Variants in DIAPH2 observed in about 807,000 individuals in gnomAD.
DIAPH2 encodes diaphanous related formin 2.
A neutral mutation model predicts 92.7 loss-of-function variants in DIAPH2; 35 were observed. The observed-to-expected ratio is 0.38, with a 90% CI of 0.29 to 0.50. The LOEUF (loss-of-function observed/expected upper bound fraction) is 0.50. Ranked by LOEUF, DIAPH2 falls within the 20% of genes least tolerant of loss-of-function variation. DIAPH2 has a pLI of 0.94. For synonymous variants in DIAPH2, 301 were observed against 280.4 expected (o/e 1.07, Z -0.73); for missense variants, 701 against 819.5 (o/e 0.86, Z 1.77).
chrX:96,712,198 C>T (rs982366240), intron 1 of DIAPH2, among the ~76,000 whole-genome samples: 1 of 111,125 alleles, frequency 9.0e-6, no homozygotes, highest in South Asian at 3.8e-4. Flanking sequence ...GACTTCATCA[C>T]GCCTGCCAAC....
chrX:97,080,479 G>A (rs1196518834), intron 19 of DIAPH2, among the ~76,000 whole-genome samples: 37 of 51,812 alleles, frequency 7.1e-4, no homozygotes, highest in Non-Finnish European at 1.0e-3. Context: ...CCCCTCCCCC[G>A]CCCCACCAAT....
chrX:96,933,124 G>T (rs1273371399), intron 10 of DIAPH2, among the ~76,000 whole-genome samples: 1 of 109,708 alleles, frequency 9.1e-6, no homozygotes, highest in Non-Finnish European at 1.9e-5. Flanking sequence ...AGACAGTAGA[G>T]CTAAATATGA....
At chrX:96,734,466 A>G (rs771082969) in intron 1 of DIAPH2, among the ~76,000 whole-genome samples, 1 of 112,074 alleles carries the variant, frequency 8.9e-6, no homozygotes, top group African/African-American at 3.2e-5. Flanking sequence ...ACAGTTTTCT[A>G]TAACCCACTA....
At chrX:97,345,476 T>C (rs1293147555) in intron 23 of DIAPH2, among the ~76,000 whole-genome samples, 1 of 111,768 alleles carries the variant, frequency 8.9e-6, no homozygotes, top group Non-Finnish European at 1.9e-5. Flanking sequence ...CCATGGAAAA[T>C]AAATTTGGCC....
chrX:96,932,041 T>G (rs528691881), intron 10 of DIAPH2, among the ~76,000 whole-genome samples: 58 of 105,360 alleles, frequency 5.5e-4, no homozygotes, highest in African/African-American at 1.9e-3. Flanking sequence ...ATTATTCTTG[T>G]TTTTTTTTTC....
intron 11 of DIAPH2, among the ~76,000 whole-genome samples, chrX:96,937,628 G>T (rs1281217382): frequency 9.0e-6 from 1 of 111,524 alleles, no homozygotes; most frequent in East Asian, 2.8e-4. Flanking sequence ...ATAGCATAAG[G>T]CAATATATCT....
At chrX:96,727,456 G>T (rs12690295) in intron 1 of DIAPH2, among the ~76,000 whole-genome samples, 15,162 of 110,759 alleles carry the variant, frequency 0.14, 857 homozygotes, top group East Asian at 0.32. Flanking sequence ...CCTTGTACTT[G>T]AACCATTTGT....
chrX:97,388,741 C>T (rs2069624796), intron 25 of DIAPH2, among the ~76,000 whole-genome samples: 1 of 111,424 alleles, frequency 9.0e-6, no homozygotes, highest in African/African-American at 3.3e-5. Flanking sequence ...CATTTATCAT[C>T]TTAGAGTTGA....
chrX:97,002,584 A>G (rs1371751486), intron 17 of DIAPH2, among the ~76,000 whole-genome samples: 1 of 111,356 alleles, frequency 9.0e-6, no homozygotes, highest in Non-Finnish European at 1.9e-5. Flanking sequence ...TCAGTATATT[A>G]TTAGTTATGA....
chrX:96,761,434 T>A (rs777695830), intron 4 of DIAPH2, among the ~76,000 whole-genome samples: 1 of 109,415 alleles, frequency 9.1e-6, no homozygotes, highest in Non-Finnish European at 1.9e-5. Context: ...GTATAATGAG[T>A]AGTTAAAAGT....
chrX:96,770,732 A>G (rs2064333428), intron 4 of DIAPH2, among the ~76,000 whole-genome samples: 1 of 112,213 alleles, frequency 8.9e-6, no homozygotes, highest in Non-Finnish European at 1.9e-5. Context: ...ACTAGCATAT[A>G]TAAAATAGAA....
intron 4 of DIAPH2, among the ~76,000 whole-genome samples, chrX:96,768,651 G>GA (rs1280800997): frequency 9.0e-6 from 1 of 111,541 alleles, no homozygotes; most frequent in African/African-American, 3.3e-5. Context: ...AGACCTGAAT[G>GA]AAAATGGGAA....
chrX:97,293,387 G>C (rs1281298322), intron 23 of DIAPH2, among the ~76,000 whole-genome samples: 2 of 108,484 alleles, frequency 1.8e-5, no homozygotes, highest in Non-Finnish European at 3.8e-5. Flanking sequence ...CGAGTAGCTG[G>C]GATTACAGGC....
At chrX:97,388,206 C>A (rs897856389) in intron 25 of DIAPH2, among the ~76,000 whole-genome samples, 1 of 111,634 alleles carries the variant, frequency 9.0e-6, no homozygotes, top group Non-Finnish European at 1.9e-5. Flanking sequence ...TGTGTCAGAC[C>A]TCTCTCCTAG....
intron 26 of DIAPH2, among the ~76,000 whole-genome samples, chrX:97,505,973 C>G (rs754103748): frequency 9.1e-6 from 1 of 109,647 alleles, no homozygotes; most frequent in Non-Finnish European, 1.9e-5. Flanking sequence ...AACAACCAAC[C>G]TTGCAAGAAT....
At chrX:97,234,628 T>G (rs1252969126) in intron 22 of DIAPH2, among the ~76,000 whole-genome samples, 2 of 112,264 alleles carry the variant, frequency 1.8e-5, no homozygotes, top group African/African-American at 6.5e-5. Flanking sequence ...ATGTAAACGA[T>G]GGACCTGGCT....
intron 19 of DIAPH2, among the ~76,000 whole-genome samples, chrX:97,078,040 A>G (rs902299900): frequency 3.6e-5 from 4 of 111,982 alleles, no homozygotes; most frequent in Admixed American, 2.8e-4. Context: ...TCTAAGACCA[A>G]TCAGTCAGTG....
rs766680247 is a variant in DIAPH2, at chrX:96,966,223, A to T, written c.2050+1016A>T. 5.4e-5 allele frequency among the ~76,000 whole-genome samples: 6 copies of T among 111,793 alleles called. No homozygotes were observed. The East Asian group carries it at 1.7e-3, about 31-fold the overall frequency. On this transcript the variant is annotated intron_variant, in intron 17 of 26. Coordinates refer to ENST00000324765, the MANE Select transcript of DIAPH2 (RefSeq NM_006729.5). ...ACTATTCTGAAGAATTTTGACATTT[A>T]AAAAAAGTTACTACTATTAGGCCTA... is the stretch of plus-strand genomic sequence containing the variant.
chrX:97,255,568 A>C (rs1006468199), intron 23 of DIAPH2, among the ~76,000 whole-genome samples: 1 of 111,992 alleles, frequency 8.9e-6, no homozygotes, highest in Non-Finnish European at 1.9e-5. Flanking sequence ...GTGCTTAATA[A>C]ATGTTTATTT....
Sources: gnomAD v4.1 joint callset for allele counts (sites outside exome capture counted in the v4.1 genomes callset) on GRCh38, gnomAD v4.1.1 for gene constraint, MANE v1.5 for transcripts, NCBI Gene and HGNC (gene_info 2026-07-23, HGNC 2026-07-21) for gene names.